ASRGL1: variants seen among roughly 807,000 people sequenced by gnomAD.
ASRGL1 encodes the protein isoaspartyl peptidase/L-asparaginase.
In ASRGL1, 16 loss-of-function variants were observed where a neutral mutation model predicts 22.4. That is an observed-to-expected ratio of 0.71 (90% confidence interval 0.48 to 1.08). The LOEUF (loss-of-function observed/expected upper bound fraction) is 1.08. Ranked by LOEUF, ASRGL1 falls within the 50% of genes least tolerant of loss-of-function variation. ASRGL1 has a pLI of 0.00. For synonymous variants in ASRGL1, 165 were observed against 159.3 expected, an observed-to-expected ratio of 1.04 and a Z score of -0.27; for missense variants, 412 against 410.1, an observed-to-expected ratio of 1.00 and a Z score of -0.04.
intron 4 of ASRGL1, among the ~76,000 whole-genome samples, chr11:62,385,901 C>T (rs552211799): frequency 1.3e-4 from 20 of 152,036 alleles, no homozygotes; most frequent in Middle Eastern, 3.4e-3. Flanking sequence ...CAGTGGCTTA[C>T]GCCTGTAATT....
In ASRGL1 at chr11:62,341,230, G is replaced by A. The variant is rs561756294; in HGVS notation, c.190+3063G>A. Among the ~76,000 whole-genome samples, 506 of 137,714 alleles carry A rather than the reference G, an allele frequency of 3.7e-3. 4 individuals carry two copies. Among genetic ancestry groups the A allele is most frequent in the African/African-American group, 0.013 (483 of 36,200 alleles). The allele number at this position is 137,714 out of a possible 152,430, so 90.3% of individuals were successfully genotyped here. On this transcript the variant is annotated intron_variant, in intron 2 of 6. Coordinates refer to ENST00000415229, the MANE Select transcript of ASRGL1 (RefSeq NM_001083926.2). The stretch of plus-strand genomic sequence containing the variant: ...TTTTTTTTTTTTGAGACTGAGTCTC[G>A]CTCTGTCACCCAGGCTGGAGTGCAG...
intron 4 of ASRGL1, among the ~76,000 whole-genome samples, chr11:62,360,015 T>C (rs1393776990): frequency 6.6e-6 from 1 of 150,466 alleles, no homozygotes. Context: ...TGTTTTTTGC[T>C]TTTCTTTTTT....
intron 2 of ASRGL1, among the ~76,000 whole-genome samples, chr11:62,347,454 G>A (rs1413448568): frequency 6.6e-6 from 1 of 152,076 alleles, no homozygotes; most frequent in Non-Finnish European, 1.5e-5. Flanking sequence ...CCCATTTTGA[G>A]GCTATCTAGC....
At chr11:62,365,720 C>T (rs563882530) in intron 4 of ASRGL1, among the ~76,000 whole-genome samples, 2 of 151,826 alleles carry the variant, frequency 1.3e-5, no homozygotes, top group South Asian at 4.2e-4. Context: ...TGTGGTGGCA[C>T]GCACCTGTAA....
intron 5 of ASRGL1, chr11:62,389,781 G>C (rs987346405): frequency 4.4e-6 from 1 of 226,456 alleles, no homozygotes; most frequent in African/African-American, 2.3e-5. Context: ...CAGGGCTGGG[G>C]GGCTGTATGT....
intron 2 of ASRGL1, among the ~76,000 whole-genome samples, chr11:62,352,036 CT>C (rs923933539): frequency 1.4e-4 from 21 of 152,154 alleles, no homozygotes; most frequent in African/African-American, 5.1e-4. Context: ...TCCATTTGCC[CT>C]TATCTGTGTT....
At chr11:62,353,691 C>T (rs1446796559) in intron 2 of ASRGL1, among the ~76,000 whole-genome samples, 1 of 152,122 alleles carries the variant, frequency 6.6e-6, no homozygotes, top group Non-Finnish European at 1.5e-5. Context: ...TCTGTGTCAT[C>T]TTGGTATTGT....
At chr11:62,351,166 A>T (rs1472634081) in intron 2 of ASRGL1, among the ~76,000 whole-genome samples, 2 of 151,990 alleles carry the variant, frequency 1.3e-5, no homozygotes, top group Non-Finnish European at 2.9e-5. Flanking sequence ...CGGTCCCTTT[A>T]CCCTCCCCTG....
chr11:62,385,571 A>T (rs986551898), intron 4 of ASRGL1, among the ~76,000 whole-genome samples: 2 of 152,224 alleles, frequency 1.3e-5, no homozygotes, highest in Non-Finnish European at 2.9e-5. Context: ...TTTGCCACAT[A>T]AAAGATTTTA....
chr11:62,352,082 A>G (rs1946180443), intron 2 of ASRGL1, among the ~76,000 whole-genome samples: 1 of 152,154 alleles, frequency 6.6e-6, no homozygotes, highest in South Asian at 2.1e-4. Context: ...TCAAAATTTA[A>G]GTGTTGAAGC....
intron 4 of ASRGL1, among the ~76,000 whole-genome samples, chr11:62,364,402 C>T (rs968583301): frequency 1.3e-5 from 2 of 151,756 alleles, no homozygotes; most frequent in African/African-American, 2.4e-5. Flanking sequence ...AAAACCATAG[C>T]TTTTTAATAT....
At chr11:62,345,014 CTCCAGT>C (rs1160798253) in intron 2 of ASRGL1, among the ~76,000 whole-genome samples, 1 of 152,166 alleles carries the variant, frequency 6.6e-6, no homozygotes, top group Non-Finnish European at 1.5e-5. Context: ...CCATAATGAC[CTCCAGT>C]TCCATCCATG....
In ASRGL1 at chr11:62,357,029, G is replaced by T; in HGVS notation, c.376G>T (p.Ala126Ser). ...FLTDQGAAQF[A>S]AAMGVPEIPG... Reference sequence around the variant, plus strand: ...GACTGACCAAGGCGCAGCGCAGTTTGCAGCAGCTATGGGGGTTCCAGAGAT... The same window carrying T: ...GACTGACCAAGGCGCAGCGCAGTTTTCAGCAGCTATGGGGGTTCCAGAGAT... Residue 126 changes from alanine (A) to serine (S), a missense_variant, in exon 4 of 7, where the codon GCA becomes TCA. By Grantham distance (99) the Ala-to-Ser change is moderately conservative. Transcript: ENST00000415229. 1.9e-6 allele frequency: 3 copies of T among 1,614,056 alleles called. No homozygotes were observed. The highest frequency in any genetic ancestry group is 2.5e-6 in the Non-Finnish European group (3 of 1,180,018).
At chr11:62,352,647 A>G (rs1252745329) in intron 2 of ASRGL1, among the ~76,000 whole-genome samples, 2 of 152,106 alleles carry the variant, frequency 1.3e-5, no homozygotes, top group African/African-American at 4.8e-5. Context: ...TCCTAATACA[A>G]TCTGAGAGTA....
chr11:62,348,494 A>G lies in ASRGL1; in HGVS notation c.191-7831A>G, dbSNP rs193182712. On this transcript the variant is annotated intron_variant, in intron 2 of 6. Coordinates refer to ENST00000415229, the MANE Select transcript of ASRGL1 (RefSeq NM_001083926.2). ...CGAGGCAGGTGGATCACCTGAGGTC[A>G]GGAGATCGAGACCAGCCTGGCCAAC... Among the ~76,000 whole-genome samples the G allele has an allele frequency of 4.6e-3, 701 of 152,192 alleles. 10 individuals carry two copies. Among genetic ancestry groups the G allele is most frequent in the African/African-American group, 0.016 (672 of 41,536 alleles).
In ASRGL1 at chr11:62,389,460, T is replaced by A. The variant is rs1947290486; in HGVS notation, c.610+209T>A. 6 of 644,078 alleles carry A rather than the reference T, an allele frequency of 9.3e-6. No individual in the cohort carries two copies. In the Admixed American group the frequency reaches 1.3e-4, roughly 14 times the overall value. 39.9% of individuals were successfully genotyped at this position (644,078 alleles called of 1,614,324 possible). On this transcript the variant is annotated intron_variant, in intron 5 of 6. Coordinates refer to ENST00000415229, the MANE Select transcript of ASRGL1 (RefSeq NM_001083926.2). ...GTGTTTGTATCTGGCGCCACTGTTT[T>A]TACTAGATTGCATGCCTTTTTGGAA...
intron 4 of ASRGL1, among the ~76,000 whole-genome samples, chr11:62,386,819 C>T (rs766332972): frequency 1.3e-5 from 2 of 152,124 alleles, no homozygotes; most frequent in Non-Finnish European, 2.9e-5. Flanking sequence ...CCACTTCCTG[C>T]ACATCCTTGC....
chr11:62,389,146 GT>G lies in ASRGL1; in HGVS notation c.506del (p.Val169GlyfsTer12). 1.9e-6 allele frequency: 3 copies of G among 1,610,768 alleles called. No homozygotes were observed. The highest frequency in any genetic ancestry group is 2.5e-6 in the Non-Finnish European group (3 of 1,177,236). On this transcript the variant is annotated frameshift_variant, in exon 5 of 7. Transcript: ENST00000415229. LOFTEE classifies it high-confidence loss of function. ...TATTTTTGGCAGAAACTTGGGAACC[GT>G]GGGTGCTGTTGCCTTGGACTGCAAA... ...KTDCQKNLGT[V>X]GAVALDCKGN...
chr11:62,390,454 G>A (rs977198512), intron 5 of ASRGL1, among the ~76,000 whole-genome samples: 1 of 152,190 alleles, frequency 6.6e-6, no homozygotes, highest in Non-Finnish European at 1.5e-5. Flanking sequence ...TGCATGTGGC[G>A]GGGAGGACAG....
Sources: gnomAD v4.1 joint callset for allele counts (sites outside exome capture counted in the v4.1 genomes callset) on GRCh38, gnomAD v4.1.1 for gene constraint, MANE v1.5 for transcripts, NCBI Gene and HGNC (gene_info 2026-07-23, HGNC 2026-07-21) for gene names.